WRN: variants seen among roughly 807,000 people sequenced by gnomAD.
WRN encodes the protein bifunctional 3'-5' exonuclease/ATP-dependent helicase WRN.
In WRN, 149 loss-of-function variants were observed where a neutral mutation model predicts 180.7. The ratio of observed to expected loss-of-function variants is 0.82; its 90% confidence interval spans 0.72 to 0.94. WRN has a LOEUF of 0.94. WRN is among the 40% of genes least tolerant of loss of function. The probability of loss-of-function intolerance (pLI) is 0.00; values close to 1 mark genes in which losing one functional copy is unlikely to be tolerated. For missense variants in WRN, 1,661 were observed against 1,700.1 expected, an observed-to-expected ratio of 0.98 and a Z score of 0.40; for synonymous variants, 548 against 568.9, an observed-to-expected ratio of 0.96 and a Z score of 0.52.
At chr8:31,159,613 A>G (rs1803528242) in intron 33 of WRN, among the ~76,000 whole-genome samples, 1 of 152,012 alleles carries the variant, frequency 6.6e-6, no homozygotes, top group Non-Finnish European at 1.5e-5. Flanking sequence ...TAAGCACAAT[A>G]AATCCCTCCC....
At chr8:31,110,364 A>G (rs947948502) in intron 18 of WRN, among the ~76,000 whole-genome samples, 1 of 152,210 alleles carries the variant, frequency 6.6e-6, no homozygotes, top group African/African-American at 2.4e-5. Flanking sequence ...CTTTTAAAAT[A>G]GTGTCACAAA....
In WRN at chr8:31,120,302, C is replaced by G. The variant is rs777161223; in HGVS notation, c.2508C>G (p.Val836=). The G allele has an allele frequency of 6.2e-7, 1 of 1,613,052 alleles. No individual in the cohort carries two copies. The highest frequency in any genetic ancestry group is 1.1e-5 in the South Asian group (1 of 91,052). Residue 836 remains valine, a synonymous_variant, in exon 21 of 35, where the codon GTC becomes GTG. Coordinates refer to ENST00000298139, the MANE Select transcript of WRN (RefSeq NM_000553.6). ...MGINKADIRQ[V]IHYGAPKDME... is the part of the protein sequence containing the mutation. ...TTAATAAAGCTGACATTCGCCAAGT[C>G]ATTCATTACGGTGCTCCTAAGGACA...
In WRN at chr8:31,033,884, A is replaced by C. The variant is rs998115597; in HGVS notation, c.-166A>C. ...AATAAAGTTTGCTGATTTGGTGTCT[A>C]GCCTGGATGCCTGGGTTGCAGGCCC... On this transcript the variant is annotated 5_prime_UTR_variant, in exon 1 of 35. Transcript: ENST00000298139. 2.0e-5 allele frequency: 3 copies of C among 152,658 alleles called. No individual in the cohort carries two copies. Among genetic ancestry groups the C allele is most frequent in the East Asian group, 1.9e-4 (1 of 5,184 alleles). The allele number at this position is 152,658 out of a possible 1,614,324, so 9.5% of individuals were successfully genotyped here. A position where few individuals can be genotyped will look rare whatever the true frequency, so the allele number is the denominator to read the frequency against.
rs1332647689 is a variant in WRN at position 31,081,142 on chromosome 8, A to C, written c.1115A>C (p.Asp372Ala). The C allele has an allele frequency of 6.2e-6, 10 of 1,613,946 alleles. No individual in the cohort carries two copies. The highest frequency in any genetic ancestry group is 8.5e-6 in the Non-Finnish European group (10 of 1,179,986). Reference protein sequence around the residue: ...VLGNKVERKEDGFEDGVEDNK... With the variant: ...VLGNKVERKEAGFEDGVEDNK... ...GGAAATAAAGTGGAACGAAAAGAAG[A>C]TGGATTTGAAGATGGAGTAGAAGAC... is the stretch of plus-strand genomic sequence containing the variant. Residue 372 changes from aspartate to alanine, a missense_variant, in exon 9 of 35, where the codon GAT (aspartate) becomes GCT (alanine). Physicochemically the swap from Asp to Ala is moderately radical, Grantham distance 126. This residue lies in a region of WRN where 500 missense variants were observed against 504.1 expected (regional missense o/e 0.99). Transcript: ENST00000298139.
intron 8 of WRN, among the ~76,000 whole-genome samples, chr8:31,078,354 A>G (rs924382460): frequency 6.6e-6 from 1 of 152,184 alleles, no homozygotes; most frequent in Non-Finnish European, 1.5e-5. Flanking sequence ...GGGAACAAAA[A>G]AGACCTCTGA....
At chr8:31,085,396 T>G (rs1490950053) in intron 11 of WRN, 150 bp downstream of exon 11, 3 of 848,730 alleles carry the variant, frequency 3.5e-6, no homozygotes, top group Admixed American at 2.4e-5. Flanking sequence ...CAATTCATGT[T>G]TCTTTTATGT....
chr8:31,143,988 G>A (rs1000944591), intron 28 of WRN, among the ~76,000 whole-genome samples: 1 of 152,120 alleles, frequency 6.6e-6, no homozygotes, highest in Non-Finnish European at 1.5e-5. Flanking sequence ...GCTAATGGCC[G>A]AGCTGGCTTT....
At chr8:31,040,671 G>C (rs1811618286) in intron 1 of WRN, among the ~76,000 whole-genome samples, 1 of 152,136 alleles carries the variant, frequency 6.6e-6, no homozygotes, top group Non-Finnish European at 1.5e-5. Flanking sequence ...TGGAAACCTT[G>C]ACATGAGCCC....
intron 34 of WRN, among the ~76,000 whole-genome samples, chr8:31,168,846 C>T (rs529960487): frequency 5.3e-4 from 81 of 152,152 alleles, no homozygotes; most frequent in Middle Eastern, 3.4e-3. Context: ...TATTAGTTGA[C>T]GTATTGTTGT....
chr8:31,071,913 A>C (rs1812927182), intron 7 of WRN, among the ~76,000 whole-genome samples: 1 of 152,258 alleles, frequency 6.6e-6, no homozygotes, highest in South Asian at 2.1e-4. Flanking sequence ...TGGCATAAGC[A>C]ACAGGGATGA....
chr8:31,089,018 A>C (rs1813644524), intron 13 of WRN, 53 bp downstream of exon 13: 5 of 1,518,076 alleles, frequency 3.3e-6, no homozygotes, highest in Non-Finnish European at 4.5e-6. Context: ...TCTTTAAAAC[A>C]AGGGAAAAGG....
chr8:31,168,896 A>G (rs1328020440), intron 34 of WRN, among the ~76,000 whole-genome samples: 1 of 152,166 alleles, frequency 6.6e-6, no homozygotes, highest in Non-Finnish European at 1.5e-5. Flanking sequence ...TGGAAGCTCA[A>G]TCATGTCCTT....
intron 9 of WRN, among the ~76,000 whole-genome samples, chr8:31,082,608 T>G (rs1433260654): frequency 6.6e-6 from 1 of 152,168 alleles, no homozygotes; most frequent in African/African-American, 2.4e-5. Context: ...CATGATTTTT[T>G]TTTTTTGAGA....
intron 6 of WRN, among the ~76,000 whole-genome samples, chr8:31,067,688 G>A (rs1585412525): frequency 6.6e-6 from 1 of 152,212 alleles, no homozygotes. Flanking sequence ...TGTATGTAGT[G>A]AAATCTGGGC....
intron 23 of WRN, chr8:31,131,695 G>A (rs1234464163): frequency 1.3e-5 from 2 of 152,776 alleles, no homozygotes; most frequent in Non-Finnish European, 2.9e-5. Flanking sequence ...GCTTTCATTG[G>A]TTTACTAAGC....
intron 18 of WRN, among the ~76,000 whole-genome samples, chr8:31,107,815 T>G (rs766994613): frequency 2.6e-5 from 4 of 152,234 alleles, no homozygotes; most frequent in Non-Finnish European, 5.9e-5. Context: ...GGCAGAAAGC[T>G]TTGCATCAGT....
At chr8:31,048,562 A>G (rs186632659) in intron 1 of WRN, among the ~76,000 whole-genome samples, 2 of 152,324 alleles carry the variant, frequency 1.3e-5, no homozygotes, top group Admixed American at 1.3e-4. Context: ...TAAATTAGTT[A>G]CTAGTATATA....
In WRN at chr8:31,141,297, G is replaced by T. The variant is rs181110905; in HGVS notation, c.2968-133G>T. 212 of 1,057,990 alleles carry T rather than the reference G, an allele frequency of 2.0e-4. No individual in the cohort carries two copies. In the African/African-American group the frequency reaches 2.5e-3, roughly 12 times the overall value. The allele number at this position is 1,057,990 out of a possible 1,614,324, so 65.5% of individuals were successfully genotyped here. On this transcript the variant is annotated intron_variant, in intron 24 of 34. Coordinates refer to ENST00000298139, the MANE Select transcript of WRN (RefSeq NM_000553.6). ...GGAGTGTTCAGAATGAGCACGATGG[G>T]TATAACATTTTTGTAGGTTTTTAAA...
Position 31,111,782 on chromosome 8 carries a change from A to G in WRN, c.2256A>G (p.Pro752=), listed in dbSNP as rs372016270. The G allele has an allele frequency of 7.6e-5, 122 of 1,613,574 alleles. No individual in the cohort carries two copies. Among genetic ancestry groups the G allele is most frequent in the Middle Eastern group, 6.6e-4 (4 of 6,064 alleles). The part of the protein sequence containing the change: ...KTGNILQDLQ[P]FLVKTSSHWE... ...GGAATATCCTTCAGGATCTGCAGCC[A>G]TTTCTTGTCAAAACAAGGTAAGGAT... The change falls in exon 19 of 35, where the codon CCA becomes CCG. Residue 752 remains proline, a synonymous_variant. Transcript: ENST00000298139.
Sources: gnomAD v4.1 joint callset for allele counts (sites outside exome capture counted in the v4.1 genomes callset) on GRCh38, gnomAD v4.1.1 for gene constraint, gnomAD v4.1.1 regional missense constraint, MANE v1.5 for transcripts, NCBI Gene and HGNC (gene_info 2026-07-23, HGNC 2026-07-21) for gene names.